Variants in GRID2 observed in about 807,000 individuals in gnomAD.
The protein encoded by GRID2 is glutamate ionotropic receptor delta type subunit 2.
Under a neutral mutation model 114.8 loss-of-function variants are expected in GRID2, and 33 were observed. The ratio of observed to expected loss-of-function variants is 0.29; its 90% confidence interval spans 0.22 to 0.38. The LOEUF (loss-of-function observed/expected upper bound fraction) is 0.38. Ranked by LOEUF, GRID2 falls within the 10% of genes least tolerant of loss-of-function variation. The pLI is 1.00. For missense variants in GRID2, 1,184 were observed against 1,257.7 expected, an observed-to-expected ratio of 0.94 and a Z score of 0.89; for synonymous variants, 505 against 449.9, an observed-to-expected ratio of 1.12 and a Z score of -1.55.
chr4:93,625,111 G>A (rs938476342), intron 13 of GRID2, among the ~76,000 whole-genome samples: 1 of 152,214 alleles, frequency 6.6e-6, no homozygotes, highest in African/African-American at 2.4e-5. Flanking sequence ...TTTCTTCAAT[G>A]TGAGTTGTAC....
At chr4:92,327,615 C>T (rs1726665396) in intron 1 of GRID2, among the ~76,000 whole-genome samples, 2 of 151,984 alleles carry the variant, frequency 1.3e-5, no homozygotes, top group African/African-American at 4.8e-5. Flanking sequence ...AAACATTTAA[C>T]CAATATTCTT....
chr4:92,503,302 G>A (rs1326229684), intron 1 of GRID2, among the ~76,000 whole-genome samples: 2 of 151,914 alleles, frequency 1.3e-5, no homozygotes, highest in African/African-American at 2.4e-5. Flanking sequence ...TCTGTTTTCT[G>A]ATTCTTATGT....
At chr4:93,746,240 A>T (rs762498921) in intron 14 of GRID2, among the ~76,000 whole-genome samples, 1 of 152,150 alleles carries the variant, frequency 6.6e-6, no homozygotes, top group Non-Finnish European at 1.5e-5. Context: ...GTAACCATTT[A>T]TCTAATCATT....
At chr4:92,961,247 T>C (rs1201598697) in intron 2 of GRID2, among the ~76,000 whole-genome samples, 2 of 152,006 alleles carry the variant, frequency 1.3e-5, no homozygotes, top group East Asian at 3.9e-4. Context: ...TATTTTACTT[T>C]CACTTACTCA....
At chr4:93,010,710 ATTT>A (rs565299524) in intron 2 of GRID2, among the ~76,000 whole-genome samples, 1 of 151,828 alleles carries the variant, frequency 6.6e-6, no homozygotes, top group Non-Finnish European at 1.5e-5. Context: ...ACTCCAGAGG[ATTT>A]TTTTTAAAAT....
At chr4:93,472,586 A>G (rs1460510025) in intron 11 of GRID2, among the ~76,000 whole-genome samples, 1 of 152,214 alleles carries the variant, frequency 6.6e-6, no homozygotes, top group African/African-American at 2.4e-5. Context: ...AATATTCCAG[A>G]CATTTCAAAG....
intron 2 of GRID2, among the ~76,000 whole-genome samples, chr4:92,859,877 A>G (rs1285017816): frequency 1.3e-5 from 2 of 152,084 alleles, no homozygotes; most frequent in Non-Finnish European, 2.9e-5. Context: ...TGTTCTGTGC[A>G]TTGTAGAATC....
intron 2 of GRID2, among the ~76,000 whole-genome samples, chr4:92,911,439 C>T (rs1213384929): frequency 6.6e-6 from 1 of 151,908 alleles, no homozygotes; most frequent in East Asian, 1.9e-4. Context: ...AAGTGTGCAA[C>T]ACATAGTGGA....
rs1208677274 is a variant in GRID2, at chr4:93,200,591, A to AAACAAAC, written c.736-6811_736-6810insCAAACAA. Among the ~76,000 whole-genome samples, 37 of 151,876 alleles carry AAACAAAC rather than the reference A, an allele frequency of 2.4e-4. 1 individual carries two copies. The East Asian group carries it at 7.0e-3, about 29-fold the overall frequency. ...AAAACAAACAAACAAACAAACAAAC[A>AAACAAAC]AAAAAACATTACATATACATTTGTG... On this transcript the variant is annotated intron_variant, in intron 4 of 15. Coordinates refer to ENST00000282020, the MANE Select transcript of GRID2 (RefSeq NM_001510.4).
At chr4:93,153,988 G>C (rs1295847475) in intron 4 of GRID2, among the ~76,000 whole-genome samples, 1 of 151,790 alleles carries the variant, frequency 6.6e-6, no homozygotes, top group East Asian at 1.9e-4. Flanking sequence ...ATAGACACTT[G>C]GTATTTTTGA....
intron 2 of GRID2, among the ~76,000 whole-genome samples, chr4:92,649,551 A>G (rs986392433): frequency 2.6e-5 from 4 of 151,904 alleles, no homozygotes; most frequent in African/African-American, 9.7e-5. Context: ...CACACCTACA[A>G]GTAATGTTTT....
intron 2 of GRID2, among the ~76,000 whole-genome samples, chr4:93,028,310 T>A (rs1420832117): frequency 6.6e-6 from 1 of 152,006 alleles, no homozygotes; most frequent in African/African-American, 2.4e-5. Flanking sequence ...CTTGAATGAA[T>A]TGATGGTGCA....
At chr4:93,391,232 T>C (rs1298221262) in intron 8 of GRID2, among the ~76,000 whole-genome samples, 2 of 152,196 alleles carry the variant, frequency 1.3e-5, no homozygotes, top group African/African-American at 4.8e-5. Context: ...TTCATTCACA[T>C]GTCAAAGTGG....
intron 13 of GRID2, among the ~76,000 whole-genome samples, chr4:93,619,550 A>G (rs1742022494): frequency 6.6e-6 from 1 of 152,186 alleles, no homozygotes; most frequent in Non-Finnish European, 1.5e-5. Context: ...CATTATTCTC[A>G]GGCCTTTTCA....
intron 8 of GRID2, among the ~76,000 whole-genome samples, chr4:93,333,470 T>C (rs1464731803): frequency 6.6e-6 from 1 of 152,210 alleles, no homozygotes; most frequent in Non-Finnish European, 1.5e-5. Flanking sequence ...CCACCATACA[T>C]TTTTTTAAAA....
chr4:92,891,641 A>G (rs1246461579), intron 2 of GRID2, among the ~76,000 whole-genome samples: 2 of 152,222 alleles, frequency 1.3e-5, no homozygotes, highest in Non-Finnish European at 2.9e-5. Context: ...GTACATAGAA[A>G]GGAAGACGTA....
intron 1 of GRID2, among the ~76,000 whole-genome samples, chr4:93,781,013 T>C (rs1191925368): frequency 6.6e-6 from 1 of 152,162 alleles, no homozygotes; most frequent in African/African-American, 2.4e-5. Context: ...TAACTGAATA[T>C]AGAGTGTAAA....
chr4:92,956,001 G>A (rs1752381140), intron 2 of GRID2, among the ~76,000 whole-genome samples: 2 of 152,146 alleles, frequency 1.3e-5, no homozygotes, highest in African/African-American at 4.8e-5. Context: ...TCACAGGCAT[G>A]AGCCACTGCG....
chr4:92,513,507 A>T (rs564984320), intron 1 of GRID2, among the ~76,000 whole-genome samples: 1 of 152,028 alleles, frequency 6.6e-6, no homozygotes, highest in Non-Finnish European at 1.5e-5. Context: ...CCTCTATTTC[A>T]ATGGTGAATT....
Sources: gnomAD v4.1 joint callset for allele counts (sites outside exome capture counted in the v4.1 genomes callset) on GRCh38, gnomAD v4.1.1 for gene constraint, MANE v1.5 for transcripts, NCBI Gene and HGNC (gene_info 2026-07-23, HGNC 2026-07-21) for gene names.